The following NDFIP2 variants were observed in gnomAD, a reference collection of about 807,000 sequenced individuals.
NDFIP2 encodes the protein Nedd4 family interacting protein 2.
Under a neutral mutation model 36.0 loss-of-function variants are expected in NDFIP2, and 19 were observed. The ratio of observed to expected loss-of-function variants is 0.53; its 90% confidence interval spans 0.37 to 0.77. The LOEUF is 0.77. Ranked by LOEUF, NDFIP2 falls within the 30% of genes least tolerant of loss-of-function variation. The pLI is 0.00. For missense variants in NDFIP2, 446 were observed against 435.8 expected (o/e 1.02, Z -0.21); for synonymous variants, 181 against 167.7 (o/e 1.08, Z -0.61).
At chr13:79,515,577 A>G (rs987799191) in intron 1 of NDFIP2, among the ~76,000 whole-genome samples, 4 of 152,218 alleles carry the variant, frequency 2.6e-5, no homozygotes, top group African/African-American at 9.6e-5. Flanking sequence ...AATAACCCTA[A>G]ATTTAAGAAA....
chr13:79,490,370 G>T (rs116582851), intron 1 of NDFIP2, among the ~76,000 whole-genome samples: 310 of 152,320 alleles, frequency 2.0e-3, no homozygotes, highest in African/African-American at 7.0e-3. Context: ...TTCCTCCTGA[G>T]TGGTGGTCTC....
intron 1 of NDFIP2, among the ~76,000 whole-genome samples, chr13:79,495,930 A>G (rs1211190105): frequency 1.3e-5 from 2 of 151,884 alleles, no homozygotes; most frequent in Admixed American, 1.3e-4. Context: ...GTATCACTTC[A>G]TAAAAAATGT....
At chr13:79,544,849 A>G (rs981759889) in intron 5 of NDFIP2, among the ~76,000 whole-genome samples, 4 of 152,174 alleles carry the variant, frequency 2.6e-5, no homozygotes, top group Admixed American at 6.5e-5. Flanking sequence ...TCAGTAATCC[A>G]TAGGTTTTGA....
intron 5 of NDFIP2, among the ~76,000 whole-genome samples, chr13:79,543,963 G>T (rs933748223): frequency 6.6e-6 from 1 of 152,002 alleles, no homozygotes; most frequent in African/African-American, 2.4e-5. Flanking sequence ...TAATTGTTCT[G>T]AGCATTAGTT....
chr13:79,507,476 G>A lies in NDFIP2; in HGVS notation c.322-13334G>A, dbSNP rs1873913682. ...TTTTTAGTAGAGACGGGGTTTCACC[G>A]TTTTAGCCGGGATGGTCTCGATCTC... On this transcript the variant is annotated intron_variant, in intron 1 of 7. Coordinates refer to ENST00000218652, the MANE Select transcript of NDFIP2 (RefSeq NM_019080.3). Among the ~76,000 whole-genome samples, 2 of 67,770 alleles carry A rather than the reference G, an allele frequency of 3.0e-5. 1 individual carries two copies. The highest frequency in any genetic ancestry group is 8.1e-4 in the South Asian group (2 of 2,460). The allele number at this position is 67,770 out of a possible 152,430, so 44.5% of individuals were successfully genotyped here.
chr13:79,509,676 G>GATAT lies in NDFIP2; in HGVS notation c.322-11122_322-11119dup, dbSNP rs755208266. Among the ~76,000 whole-genome samples, 285 of 147,850 alleles carry GATAT rather than the reference G, an allele frequency of 1.9e-3. 1 individual carries two copies. Among genetic ancestry groups the GATAT allele is most frequent in the African/African-American group, 6.8e-3 (267 of 39,302 alleles). ...CAGAACTAATAGGATGTATATTATC[G>GATAT]ATATATATATATATAGAGAGAGAGA... is the stretch of plus-strand genomic sequence containing the variant. On this transcript the variant is annotated intron_variant, in intron 1 of 7. Transcript: ENST00000218652.
chr13:79,491,872 G>T (rs889196360), intron 1 of NDFIP2, among the ~76,000 whole-genome samples: 1 of 152,184 alleles, frequency 6.6e-6, no homozygotes, highest in Non-Finnish European at 1.5e-5. Flanking sequence ...TGGAATTAGG[G>T]TGTGGGTAAA....
At chr13:79,551,678 T>A (rs1452425179) in intron 7 of NDFIP2, among the ~76,000 whole-genome samples, 1 of 151,514 alleles carries the variant, frequency 6.6e-6, no homozygotes, top group Admixed American at 6.6e-5. Context: ...CTATGAAGGC[T>A]ACAACTTGAA....
intron 2 of NDFIP2, among the ~76,000 whole-genome samples, chr13:79,527,053 G>T (rs1874824240): frequency 6.6e-6 from 1 of 152,100 alleles, no homozygotes; most frequent in Non-Finnish European, 1.5e-5. Context: ...AAGATCACTG[G>T]TGACTTTTGC....
chr13:79,539,935 T>C (rs1302571648), intron 4 of NDFIP2, among the ~76,000 whole-genome samples, 160 bp downstream of exon 4: 1 of 152,238 alleles, frequency 6.6e-6, no homozygotes, highest in Non-Finnish European at 1.5e-5. Flanking sequence ...TGTGATCATA[T>C]GTTTAAATAC....
At chr13:79,483,647 G>C (rs183833448) in intron 1 of NDFIP2, among the ~76,000 whole-genome samples, 2 of 152,180 alleles carry the variant, frequency 1.3e-5, no homozygotes, top group Non-Finnish European at 2.9e-5. Flanking sequence ...TACTTAAAGA[G>C]TTTAAAAACA....
intron 2 of NDFIP2, among the ~76,000 whole-genome samples, chr13:79,530,113 G>A (rs1399484972): frequency 6.6e-6 from 1 of 152,084 alleles, no homozygotes; most frequent in African/African-American, 2.4e-5. Context: ...ACTGATCAGG[G>A]TGGTGGTTGC....
rs1198936963 is a variant in NDFIP2 at position 79,555,819 on chromosome 13, T to G, written c.*3306T>G. On this transcript the variant is annotated 3_prime_UTR_variant, in exon 8 of 8. Transcript: ENST00000218652. Reference sequence around the variant, plus strand: ...TAAAACATGCTGGCATGTATTTTACTTGTTAATAAAGTTGTATAGATGTGG... The same window carrying G: ...TAAAACATGCTGGCATGTATTTTACGTGTTAATAAAGTTGTATAGATGTGG... 6.6e-6 allele frequency: 1 copy of G among 152,144 alleles called. No homozygotes were observed. The highest frequency in any genetic ancestry group is 2.4e-5 in the African/African-American group (1 of 41,454). The allele number at this position is 152,144 out of a possible 1,614,324, so 9.4% of individuals were successfully genotyped here.
chr13:79,502,718 T>C (rs563150342), intron 1 of NDFIP2, among the ~76,000 whole-genome samples: 3 of 152,272 alleles, frequency 2.0e-5, no homozygotes, highest in South Asian at 4.1e-4. Flanking sequence ...GCGAGACGTT[T>C]GGGTGAAAGC....
chr13:79,536,967 G>A (rs2137105853), intron 3 of NDFIP2, among the ~76,000 whole-genome samples: 1 of 152,216 alleles, frequency 6.6e-6, no homozygotes, highest in South Asian at 2.1e-4. Flanking sequence ...GATTGAGGCT[G>A]TAGTGATCCC....
At chr13:79,520,996 T>C in intron 2 of NDFIP2, 21 bp downstream of exon 2, 1 of 1,548,576 alleles carries the variant, frequency 6.5e-7, no homozygotes. Flanking sequence ...TCTAGTAATG[T>C]TTTTATTAGT....
intron 1 of NDFIP2, among the ~76,000 whole-genome samples, chr13:79,492,288 CA>C (rs1873255289): frequency 7.4e-6 from 1 of 135,810 alleles, no homozygotes; most frequent in African/African-American, 2.8e-5. Flanking sequence ...TATAAGTGTT[CA>C]AAGTGACAGC....
At chr13:79,547,955 G>A (rs1418717897) in intron 5 of NDFIP2, among the ~76,000 whole-genome samples, 1 of 152,016 alleles carries the variant, frequency 6.6e-6, no homozygotes, top group African/African-American at 2.4e-5. Flanking sequence ...TGAAGCAGCG[G>A]GTTGCTGTAG....
intron 2 of NDFIP2, among the ~76,000 whole-genome samples, chr13:79,526,501 A>G: frequency 6.6e-6 from 1 of 152,330 alleles, no homozygotes; most frequent in East Asian, 1.9e-4. Context: ...CTGAGGAACT[A>G]CAACATTTAA....
Sources: allele counts gnomAD v4.1 joint callset (sites outside exome capture counted in the v4.1 genomes callset), GRCh38; gene constraint gnomAD v4.1.1; transcripts MANE v1.5; gene names NCBI Gene and HGNC (gene_info 2026-07-23, HGNC 2026-07-21).